The following ZFYVE16 variants were observed in gnomAD, a reference collection of about 807,000 sequenced individuals.
ZFYVE16 encodes zinc finger FYVE domain-containing protein 16.
Under a neutral mutation model 138.1 loss-of-function variants are expected in ZFYVE16, and 89 were observed. The observed-to-expected ratio is 0.64, with a 90% CI of 0.54 to 0.77. The LOEUF (loss-of-function observed/expected upper bound fraction) is 0.77. ZFYVE16 is among the 30% of genes least tolerant of loss of function. The probability of loss-of-function intolerance (pLI) is 0.00; values close to 1 mark genes in which losing one functional copy is unlikely to be tolerated. For synonymous variants in ZFYVE16, 596 were observed against 618.3 expected (o/e 0.96, Z 0.53); for missense variants, 1,793 against 1,786.7 (o/e 1.00, Z -0.06).
At chr5:80,460,767 T>C (rs944398034) in intron 15 of ZFYVE16, among the ~76,000 whole-genome samples, 1 of 152,184 alleles carries the variant, frequency 6.6e-6, no homozygotes, top group African/African-American at 2.4e-5. Context: ...TTAGTCAGTT[T>C]GCTTAACTCT....
chr5:80,441,883 G>A (rs1750749499), intron 5 of ZFYVE16: 1 of 985,342 alleles, frequency 1.0e-6, no homozygotes, highest in Non-Finnish European at 1.2e-6. Flanking sequence ...AGCTATCAGT[G>A]TTCCTTATTT....
rs138018123 is a variant in ZFYVE16, at chr5:80,417,539, C to T, written c.-94+9386C>T. 6.2e-3 allele frequency among the ~76,000 whole-genome samples: 948 copies of T among 152,266 alleles called. 10 individuals are homozygous for T. The highest frequency in any genetic ancestry group is 0.021 in the African/African-American group (876 of 41,552). ...CTGGCTATCATTGGTGTTTTACTGT[C>T]TCTGTAGTTTTACCTTTTCTAGAAT... On this transcript the variant is annotated intron_variant, in intron 1 of 18. Transcript: ENST00000505560.
At chr5:80,410,488 T>C (rs966364113) in intron 1 of ZFYVE16, 2 of 152,242 alleles carry the variant, frequency 1.3e-5, no homozygotes, top group African/African-American at 4.8e-5. Context: ...GTTGATGTTA[T>C]TTGCTCGTTT....
In ZFYVE16 at chr5:80,443,706, T is replaced by C. The variant is rs149048522; in HGVS notation, c.2581+422T>C. ...AAATCATGAGTCTAGCAGCTGTATC[T>C]GTTGGTGGTGCTGCTGCAAAGATCC... On this transcript the variant is annotated intron_variant, in intron 6 of 18. Transcript: ENST00000505560. 8.2e-4 allele frequency: 375 copies of C among 456,690 alleles called. 2 individuals carry two copies. The highest frequency in any genetic ancestry group is 7.0e-3 in the African/African-American group (350 of 50,228). 28.3% of individuals were successfully genotyped at this position (456,690 alleles called of 1,614,324 possible).
Position 80,443,221 on chromosome 5 carries a change from A to G in ZFYVE16, c.2518A>G (p.Thr840Ala). 6.2e-7 allele frequency: 1 copy of G among 1,611,358 alleles called. No homozygotes were observed. The highest frequency in any genetic ancestry group is 8.5e-7 in the Non-Finnish European group (1 of 1,179,354). The change falls in exon 6 of 19, where the codon ACA (threonine) becomes GCA (alanine). Residue 840 changes from threonine to alanine, a missense_variant. This residue lies in a region of ZFYVE16 where 1,295 missense variants were observed against 1,204.3 expected (regional missense o/e 1.08). Coordinates refer to ENST00000505560, the MANE Select transcript of ZFYVE16 (RefSeq NM_001284236.3). Reference sequence around the variant, plus strand: ...TGTCCAGCCTCCTCAGGAGAACCAAACATCCAGTATACCTTCACCAGCAAC... The same window carrying G: ...TGTCCAGCCTCCTCAGGAGAACCAAGCATCCAGTATACCTTCACCAGCAAC... The part of the protein sequence containing the change: ...TTVQPPQENQ[T>A]SSIPSPATLP...
chr5:80,424,256 CAGTGCTT>C (rs1356312647), intron 1 of ZFYVE16, among the ~76,000 whole-genome samples: 1 of 152,134 alleles, frequency 6.6e-6, no homozygotes, highest in Non-Finnish European at 1.5e-5. Context: ...GTCCCTTAAA[CAGTGCTT>C]TCACTGCAGC....
In ZFYVE16 at chr5:80,478,193, TACC is replaced by T. The variant is rs1171670142; in HGVS notation, c.*819_*821del. The T allele has an allele frequency of 3.3e-5, 5 of 152,082 alleles. No homozygotes were observed. Among genetic ancestry groups the T allele is most frequent in the African/African-American group, 4.8e-5 (2 of 41,446 alleles). 9.4% of individuals were successfully genotyped at this position (152,082 alleles called of 1,614,324 possible). A position where few individuals can be genotyped will look rare whatever the true frequency, so the allele number is the denominator to read the frequency against. ...TTTTTCCTCCTTTCCTTCCAAACTA[TACC>T]ACTGTATTTACCACTTCTAAGAGTG... is the stretch of plus-strand genomic sequence containing the variant. On this transcript the variant is annotated 3_prime_UTR_variant, in exon 19 of 19. Coordinates refer to ENST00000505560, the MANE Select transcript of ZFYVE16 (RefSeq NM_001284236.3).
chr5:80,473,689 C>A, intron 16 of ZFYVE16, 65 bp from the exon 17 acceptor site: 1 of 1,172,414 alleles, frequency 8.5e-7, no homozygotes, highest in Non-Finnish European at 1.2e-6. Context: ...TTGTTCAAAT[C>A]TAATAATTCA....
chr5:80,473,779 T>C lies in ZFYVE16; in HGVS notation c.4213T>C (p.Ser1405Pro), dbSNP rs755574950. 1.2e-6 allele frequency: 2 copies of C among 1,612,448 alleles called. No homozygotes were observed. The highest frequency in any genetic ancestry group is 1.7e-6 in the Non-Finnish European group (2 of 1,178,930). ...AGTTATCAGTTCAGTGGATGGAATA[T>C]CATTACAAGGATTTCCAAGTGAAAA... ...KGVISSVDGI[S>P]LQGFPSEKIK... Residue 1405 changes from serine (S) to proline (P), a missense_variant, in exon 17 of 19, where the codon TCA becomes CCA. By Grantham distance (74) the Ser-to-Pro change is moderately conservative. Coordinates refer to ENST00000505560, the MANE Select transcript of ZFYVE16 (RefSeq NM_001284236.3).
intron 15 of ZFYVE16, among the ~76,000 whole-genome samples, chr5:80,462,944 G>T (rs1753290192): frequency 6.6e-6 from 1 of 152,242 alleles, no homozygotes; most frequent in Non-Finnish European, 1.5e-5. Flanking sequence ...TCCAGGTCAT[G>T]CTGATGTAAA....
Position 80,422,247 on chromosome 5 carries a change from C to T in ZFYVE16, c.-93-5245C>T, listed in dbSNP as rs564740029. Among the ~76,000 whole-genome samples the T allele has an allele frequency of 1.1e-3, 166 of 152,174 alleles. 1 individual carries two copies. The highest frequency in any genetic ancestry group is 0.01 in the Admixed American group (153 of 15,268). On this transcript the variant is annotated intron_variant, in intron 1 of 18. Transcript: ENST00000505560. ...GGGTTTTCCTTTTCTTGTCTTATTG[C>T]GCTAGCCAAGGCTTTCCGTATTATG...
At chr5:80,439,588 T>A (rs143387310) in intron 4 of ZFYVE16, among the ~76,000 whole-genome samples, 8 of 148,342 alleles carry the variant, frequency 5.4e-5, no homozygotes, top group East Asian at 2.0e-4. Flanking sequence ...TATTTTTTTT[T>A]AACAAAATAA....
chr5:80,426,791 G>A (rs1263048630), intron 1 of ZFYVE16, among the ~76,000 whole-genome samples: 1 of 152,076 alleles, frequency 6.6e-6, no homozygotes, highest in Non-Finnish European at 1.5e-5. Flanking sequence ...ATTCCTTTGG[G>A]TGTATACCAG....
intron 2 of ZFYVE16, among the ~76,000 whole-genome samples, chr5:80,428,508 A>T (rs907706205): frequency 4.6e-5 from 7 of 152,214 alleles, no homozygotes; most frequent in African/African-American, 1.7e-4. Context: ...GATGGGGAAA[A>T]AACAGAGCAG....
intron 2 of ZFYVE16, among the ~76,000 whole-genome samples, chr5:80,429,091 A>G (rs1302507440): frequency 1.3e-5 from 2 of 152,194 alleles, no homozygotes; most frequent in Non-Finnish European, 2.9e-5. Context: ...ATTCAAATTC[A>G]GGAATACAGA....
chr5:80,465,899 A>C (rs1753697992), intron 15 of ZFYVE16, among the ~76,000 whole-genome samples: 1 of 151,110 alleles, frequency 6.6e-6, no homozygotes, highest in Admixed American at 6.6e-5. Flanking sequence ...TGTTCAGATT[A>C]GTGTTTTTCA....
At chr5:80,460,247 T>G (rs1752960271) in intron 15 of ZFYVE16, among the ~76,000 whole-genome samples, 1 of 152,182 alleles carries the variant, frequency 6.6e-6, no homozygotes, top group Admixed American at 6.5e-5. Flanking sequence ...GAGCATCCTA[T>G]TACATATTTA....
At chr5:80,433,599 A>AT (rs1395486283) in intron 2 of ZFYVE16, among the ~76,000 whole-genome samples, 1 of 152,140 alleles carries the variant, frequency 6.6e-6, no homozygotes, top group East Asian at 1.9e-4. Context: ...TAAAAAGTAT[A>AT]TAAAAAAAAC....
intron 11 of ZFYVE16, 117 bp downstream of exon 11, chr5:80,451,826 A>G (rs1226907233): frequency 2.9e-6 from 3 of 1,038,832 alleles, no homozygotes; most frequent in Non-Finnish European, 4.1e-6. Context: ...TTGTTTTGCT[A>G]TGCTTTTAAA....
Sources: gnomAD v4.1 joint callset for allele counts (sites outside exome capture counted in the v4.1 genomes callset) on GRCh38, gnomAD v4.1.1 for gene constraint, gnomAD v4.1.1 regional missense constraint, MANE v1.5 for transcripts, NCBI Gene and HGNC (gene_info 2026-07-23, HGNC 2026-07-21) for gene names.